Variants in LINGO2 observed in about 807,000 individuals in gnomAD.
LINGO2 encodes the protein leucine-rich repeat and immunoglobulin-like domain-containing nogo receptor-interacting protein 2.
A neutral mutation model predicts 30.6 loss-of-function variants in LINGO2; 14 were observed. That is an observed-to-expected ratio of 0.46 (90% confidence interval 0.30 to 0.72). LINGO2 has a LOEUF of 0.72. Ranked by LOEUF, LINGO2 falls within the 30% of genes least tolerant of loss-of-function variation. LINGO2 has a pLI of 0.07. For missense variants in LINGO2, 729 were observed against 751.7 expected (o/e 0.97, Z 0.35); for synonymous variants, 317 against 288.5 (o/e 1.10, Z -1.00).
the LINGO2 span, among the ~76,000 whole-genome samples, chr9:29,154,311 G>T: frequency 6.6e-6 from 1 of 151,832 alleles, no homozygotes; most frequent in Non-Finnish European, 1.5e-5. Flanking sequence ...TTAGCCGGGC[G>T]TGGTGGCGGG....
intron 1 of LINGO2, among the ~76,000 whole-genome samples, chr9:28,632,406 C>T (rs1335607946): frequency 6.6e-6 from 1 of 151,746 alleles, no homozygotes; most frequent in Non-Finnish European, 1.5e-5. Flanking sequence ...CCCAGTCTCA[C>T]ACTATCCAGA....
chr9:28,167,027 A>T (rs1452344), intron 4 of LINGO2, among the ~76,000 whole-genome samples: 150,795 of 152,134 alleles, frequency 0.99, 74,753 homozygotes, highest in Middle Eastern at 1. Context: ...TAGTTCCTAG[A>T]TGGCATTTTT....
chr9:28,138,765 A>G (rs1827592786), intron 4 of LINGO2, among the ~76,000 whole-genome samples: 1 of 152,336 alleles, frequency 6.6e-6, no homozygotes, highest in South Asian at 2.1e-4. Context: ...AAGAATTTAC[A>G]TAGACTAATG....
the LINGO2 span, among the ~76,000 whole-genome samples, chr9:28,680,268 A>T: frequency 6.6e-6 from 1 of 152,092 alleles, no homozygotes; most frequent in Non-Finnish European, 1.5e-5. Context: ...CCTCAGGCTC[A>T]TCAATGCTGT....
At chr9:28,736,281 C>G in the LINGO2 span, among the ~76,000 whole-genome samples, 1 of 152,082 alleles carries the variant, frequency 6.6e-6, no homozygotes, top group African/African-American at 2.4e-5. Flanking sequence ...TCTGAGTTTA[C>G]CAGGATTGCC....
intron 1 of LINGO2, among the ~76,000 whole-genome samples, chr9:28,564,412 GA>G (rs1304029494): frequency 2.6e-5 from 4 of 151,960 alleles, no homozygotes; most frequent in Non-Finnish European, 4.4e-5. Flanking sequence ...CAGTTTACTT[GA>G]GTCACTTCAC....
At chr9:28,859,804 A>AGGAACT in the LINGO2 span, among the ~76,000 whole-genome samples, 1 of 152,040 alleles carries the variant, frequency 6.6e-6, no homozygotes, top group Non-Finnish European at 1.5e-5. Context: ...TGGTACGTGC[A>AGGAACT]GTACACCAGG....
chr9:28,907,966 G>A, the LINGO2 span, among the ~76,000 whole-genome samples: 2 of 151,692 alleles, frequency 1.3e-5, no homozygotes, highest in Admixed American at 6.6e-5. Context: ...CAGATTTATT[G>A]GAATGGGAAA....
At chr9:28,711,216 G>T in the LINGO2 span, among the ~76,000 whole-genome samples, 3 of 152,022 alleles carry the variant, frequency 2.0e-5, no homozygotes, top group African/African-American at 7.2e-5. Context: ...TGTGCTTAAT[G>T]CTAAGGAAGA....
chr9:29,107,802 G>A, the LINGO2 span, among the ~76,000 whole-genome samples: 2 of 151,806 alleles, frequency 1.3e-5, no homozygotes, highest in South Asian at 4.2e-4. Context: ...TGTCTCTCTT[G>A]ATGTTGCATC....
the LINGO2 span, among the ~76,000 whole-genome samples, chr9:29,040,379 G>C: frequency 6.6e-6 from 1 of 151,920 alleles, no homozygotes; most frequent in South Asian, 2.1e-4. Context: ...AGCTAACTGA[G>C]AGAATTTTTA....
At chr9:28,023,371 G>A (rs1288844693) in intron 4 of LINGO2, among the ~76,000 whole-genome samples, 8 of 152,092 alleles carry the variant, frequency 5.3e-5, no homozygotes, top group African/African-American at 9.7e-5. Context: ...GGAATTAGAG[G>A]CTTCAAATTC....
intron 1 of LINGO2, among the ~76,000 whole-genome samples, chr9:28,565,659 C>T (rs1823340044): frequency 1.3e-5 from 2 of 151,800 alleles, no homozygotes; most frequent in Admixed American, 6.6e-5. Context: ...TCATGCCATT[C>T]TCCTGCCTCA....
At chr9:29,209,572 T>C in the LINGO2 span, among the ~76,000 whole-genome samples, 1 of 152,148 alleles carries the variant, frequency 6.6e-6, no homozygotes, top group Non-Finnish European at 1.5e-5. Flanking sequence ...CAGAAGTATA[T>C]GCCATTAGAT....
the LINGO2 span, among the ~76,000 whole-genome samples, chr9:28,863,893 A>G: frequency 6.6e-6 from 1 of 152,152 alleles, no homozygotes; most frequent in East Asian, 1.9e-4. Flanking sequence ...AAACTTAAAA[A>G]TAAATGCATG....
intron 4 of LINGO2, among the ~76,000 whole-genome samples, chr9:28,061,524 C>T (rs1467293957): frequency 1.3e-5 from 2 of 151,574 alleles, no homozygotes; most frequent in East Asian, 3.9e-4. Flanking sequence ...TTAAGCCTTA[C>T]ACATGATTGT....
intron 5 of LINGO2, among the ~76,000 whole-genome samples, chr9:27,961,566 C>T (rs12685185): frequency 1.3e-5 from 2 of 152,060 alleles, no homozygotes; most frequent in African/African-American, 4.8e-5. Flanking sequence ...GGGGCTTATA[C>T]ACTGTGATAA....
intron 4 of LINGO2, among the ~76,000 whole-genome samples, chr9:28,127,866 G>C (rs1464743474): frequency 6.6e-6 from 1 of 152,142 alleles, no homozygotes; most frequent in Non-Finnish European, 1.5e-5. Flanking sequence ...GTAGGGGCTT[G>C]CCACTTACAA....
rs1426952588 is a variant in LINGO2 at position 28,598,439 on chromosome 9, AC to A, written c.-365+71760del. On this transcript the variant is annotated intron_variant, in intron 1 of 5. Coordinates refer to ENST00000379992, the Ensembl canonical transcript of LINGO2. ...ATATCAAAAAAAAAAAAAAAACAAA[AC>A]AAACAAACAAACAAAAAAAACGCCA... is the stretch of plus-strand genomic sequence containing the variant. 6.7e-5 allele frequency among the ~76,000 whole-genome samples: 10 copies of A among 149,332 alleles called. No homozygotes were observed. The South Asian group carries it at 1.9e-3, about 28-fold the overall frequency.
Sources: gnomAD v4.1 joint callset for allele counts (sites outside exome capture counted in the v4.1 genomes callset) on GRCh38, gnomAD v4.1.1 for gene constraint, MANE v1.5 for transcripts, NCBI Gene and HGNC (gene_info 2026-07-23, HGNC 2026-07-21) for gene names.